The following GRID1 variants were observed in gnomAD, a reference collection of about 807,000 sequenced individuals.
The protein encoded by GRID1 is glutamate receptor ionotropic, delta-1.
A neutral mutation model predicts 98.0 loss-of-function variants in GRID1; 28 were observed. That is an observed-to-expected ratio of 0.29 (90% CI 0.21 to 0.39). The LOEUF (loss-of-function observed/expected upper bound fraction) is 0.39. Ranked by LOEUF, GRID1 falls within the 10% of genes least tolerant of loss-of-function variation. The pLI is 1.00. For synonymous variants in GRID1, 553 were observed against 538.5 expected, an observed-to-expected ratio of 1.03 and a Z score of -0.37; for missense variants, 1,111 against 1,340.5, an observed-to-expected ratio of 0.83 and a Z score of 2.67.
In GRID1 at chr10:86,013,916, CA is replaced by C. The variant is rs572530414; in HGVS notation, c.727-97678del. 5.1e-4 allele frequency among the ~76,000 whole-genome samples: 78 copies of C among 152,304 alleles called. No homozygotes were observed. The South Asian group carries it at 0.015, about 30-fold the overall frequency. On this transcript the variant is annotated intron_variant, in intron 4 of 15. Transcript: ENST00000327946. ...GTATGGTTTGTCAGAATGTACTCTG[CA>C]GAAGAAAAAACAAGATGCTGTCCCC...
intron 4 of GRID1, among the ~76,000 whole-genome samples, chr10:86,002,743 T>C (rs1842816343): frequency 6.6e-6 from 1 of 152,216 alleles, no homozygotes; most frequent in South Asian, 2.1e-4. Context: ...CCTTTTAATA[T>C]ACAGATACAA....
chr10:85,958,893 G>A (rs576817586), intron 4 of GRID1, among the ~76,000 whole-genome samples: 1 of 150,808 alleles, frequency 6.6e-6, no homozygotes, highest in South Asian at 2.1e-4. Flanking sequence ...GGAGCCAGAG[G>A]TTGTGGTGAG....
At chr10:86,137,677 G>C (rs112515457) in intron 4 of GRID1, among the ~76,000 whole-genome samples, 4,403 of 152,254 alleles carry the variant, frequency 0.029, 83 homozygotes, top group Middle Eastern at 0.088. Context: ...ACTTCATACA[G>C]GGCAACATGT....
intron 14 of GRID1, among the ~76,000 whole-genome samples, chr10:85,616,314 G>A (rs1842787969): frequency 6.6e-6 from 1 of 152,204 alleles, no homozygotes. Flanking sequence ...GCCCACTGTT[G>A]TAATTAGAAA....
At chr10:85,745,766 AGG>A (rs1431533419) in intron 8 of GRID1, among the ~76,000 whole-genome samples, 1 of 152,086 alleles carries the variant, frequency 6.6e-6, no homozygotes, top group Non-Finnish European at 1.5e-5. Flanking sequence ...AAACATGACC[AGG>A]TTAGACAAAA....
At chr10:86,313,964 T>C (rs1255184447) in intron 2 of GRID1, among the ~76,000 whole-genome samples, 1 of 152,260 alleles carries the variant, frequency 6.6e-6, no homozygotes, top group Non-Finnish European at 1.5e-5. Flanking sequence ...CCTTTCAAGC[T>C]GACTGGCTTC....
chr10:85,728,375 G>A (rs544398096), intron 9 of GRID1, among the ~76,000 whole-genome samples: 39 of 152,242 alleles, frequency 2.6e-4, no homozygotes, highest in Non-Finnish European at 5.1e-4. Context: ...TCCATGCAGA[G>A]CTAGGACTGT....
intron 4 of GRID1, among the ~76,000 whole-genome samples, chr10:86,048,467 AG>A (rs983476835): frequency 4.6e-5 from 7 of 152,234 alleles, no homozygotes; most frequent in African/African-American, 1.7e-4. Context: ...GGCACTTGTC[AG>A]GGGAGGCCAG....
intron 12 of GRID1, among the ~76,000 whole-genome samples, chr10:85,710,281 C>A (rs1166250538): frequency 3.3e-5 from 5 of 152,082 alleles, no homozygotes; most frequent in African/African-American, 4.8e-5. Context: ...GATATATAGA[C>A]CAGTGGAATA....
intron 3 of GRID1, among the ~76,000 whole-genome samples, chr10:86,191,384 G>T (rs1048426757): frequency 1.3e-5 from 2 of 152,128 alleles, no homozygotes; most frequent in African/African-American, 4.8e-5. Context: ...AGCCATGTGG[G>T]ATGGTGGGGT....
intron 2 of GRID1, among the ~76,000 whole-genome samples, chr10:86,346,420 C>A (rs943895884): frequency 2.0e-5 from 3 of 152,210 alleles, no homozygotes; most frequent in Non-Finnish European, 4.4e-5. Flanking sequence ...GTTTGGAGGG[C>A]AGCTGGGTGG....
chr10:85,724,377 A>T lies in GRID1; in HGVS notation c.1833T>A (p.Ile611=). The T allele has an allele frequency of 6.2e-7, 1 of 1,614,104 alleles. No homozygotes were observed. ...CTTGCTGTACGAAGGCTCCATAGACAATCCAGATGGCGCTGTGCAGAGTGG... is the reference window on the plus strand; with the variant it reads ...CTTGCTGTACGAAGGCTCCATAGACTATCCAGATGGCGCTGTGCAGAGTGG... ...ASATLHSAIW[I]VYGAFVQQGG... is the part of the protein sequence containing the mutation. Residue 611 remains isoleucine (I), a synonymous_variant, in exon 11 of 16, where the codon ATT becomes ATA. Transcript: ENST00000327946.
At chr10:85,718,189 C>A (rs1034868616) in intron 12 of GRID1, among the ~76,000 whole-genome samples, 2 of 152,248 alleles carry the variant, frequency 1.3e-5, no homozygotes, top group Admixed American at 1.3e-4. Flanking sequence ...CCAGTAGGGA[C>A]TCTGTGTAGG....
At chr10:86,110,677 C>T (rs1041166387) in intron 4 of GRID1, among the ~76,000 whole-genome samples, 7 of 152,228 alleles carry the variant, frequency 4.6e-5, no homozygotes, top group South Asian at 2.1e-4. Flanking sequence ...CCAGCTGTAA[C>T]GTTGGGAAAG....
chr10:85,654,379 G>A (rs1840869836), intron 12 of GRID1, among the ~76,000 whole-genome samples: 1 of 152,208 alleles, frequency 6.6e-6, no homozygotes, highest in Non-Finnish European at 1.5e-5. Flanking sequence ...AAAGGGATAA[G>A]CAGTGAATGC....
At chr10:85,912,971 T>C (rs947630352) in intron 5 of GRID1, among the ~76,000 whole-genome samples, 17 of 152,142 alleles carry the variant, frequency 1.1e-4, no homozygotes, top group East Asian at 3.9e-4. Context: ...TTGTGTTCAA[T>C]TGGGGCCATG....
intron 5 of GRID1, among the ~76,000 whole-genome samples, chr10:85,879,111 A>T (rs1840959422): frequency 6.6e-6 from 1 of 152,212 alleles, no homozygotes; most frequent in Non-Finnish European, 1.5e-5. Flanking sequence ...GAGCATCCAG[A>T]TTCATAAAGC....
At chr10:85,658,910 C>A (rs1196017458) in intron 12 of GRID1, among the ~76,000 whole-genome samples, 3 of 152,208 alleles carry the variant, frequency 2.0e-5, no homozygotes, top group African/African-American at 4.8e-5. Flanking sequence ...TGGTATATTA[C>A]TAAGCACTAA....
chr10:86,102,996 C>CA (rs1459980167), intron 4 of GRID1, among the ~76,000 whole-genome samples: 1 of 152,130 alleles, frequency 6.6e-6, no homozygotes, highest in Non-Finnish European at 1.5e-5. Flanking sequence ...CCATGTAAGA[C>CA]ATGCCTTTGC....
Sources: gnomAD v4.1 joint callset for allele counts (sites outside exome capture counted in the v4.1 genomes callset) on GRCh38, gnomAD v4.1.1 for gene constraint, MANE v1.5 for transcripts, NCBI Gene and HGNC (gene_info 2026-07-23, HGNC 2026-07-21) for gene names.